Variants in ADGRL3 observed in about 807,000 individuals in gnomAD.
ADGRL3 encodes the protein calcium-independent alpha-latrotoxin receptor 3.
A neutral mutation model predicts 153.5 loss-of-function variants in ADGRL3; 62 were observed. The ratio of observed to expected loss-of-function variants is 0.40; its 90% CI spans 0.33 to 0.50. The LOEUF (loss-of-function observed/expected upper bound fraction) is 0.50. ADGRL3 is among the 20% of genes least tolerant of loss of function. The pLI is 0.47. For synonymous variants in ADGRL3, 710 were observed against 672.5 expected (o/e 1.06, Z -0.86); for missense variants, 1,641 against 1,859.4 (o/e 0.88, Z 2.16).
chr4:61,675,379 T>C (rs2095151417), intron 5 of ADGRL3, among the ~76,000 whole-genome samples: 1 of 151,884 alleles, frequency 6.6e-6, no homozygotes, highest in Non-Finnish European at 1.5e-5. Flanking sequence ...TATTATAGAC[T>C]TAGTGCCAAT....
chr4:61,272,217 C>T (rs28463441), intron 1 of ADGRL3, among the ~76,000 whole-genome samples: 2,377 of 151,662 alleles, frequency 0.016, 36 homozygotes, highest in Middle Eastern at 0.037. Flanking sequence ...ACAGAGTTTA[C>T]AAAAAATGGT....
intron 4 of ADGRL3, among the ~76,000 whole-genome samples, chr4:61,570,338 T>G (rs970905755): frequency 2.0e-5 from 3 of 152,174 alleles, no homozygotes; most frequent in Non-Finnish European, 4.4e-5. Context: ...CTCAAATCTT[T>G]CAGGGTATTA....
At chr4:61,785,214 C>T (rs2097263275) in intron 8 of ADGRL3, among the ~76,000 whole-genome samples, 1 of 152,132 alleles carries the variant, frequency 6.6e-6, no homozygotes, top group Admixed American at 6.6e-5. Flanking sequence ...ATTCATGCTT[C>T]ATTCTTCCTA....
At chr4:61,283,998 AC>A (rs1471024279) in intron 1 of ADGRL3, among the ~76,000 whole-genome samples, 1 of 151,966 alleles carries the variant, frequency 6.6e-6, no homozygotes, top group Non-Finnish European at 1.5e-5. Context: ...ATACAAAATC[AC>A]AAGGTTGTAG....
intron 25 of ADGRL3, among the ~76,000 whole-genome samples, chr4:62,057,702 G>A (rs1737799056): frequency 6.6e-6 from 1 of 152,086 alleles, no homozygotes; most frequent in South Asian, 2.1e-4. Flanking sequence ...TATTGAGACA[G>A]GGTCTTGCTC....
At chr4:61,746,280 C>A (rs2096659740) in intron 8 of ADGRL3, among the ~76,000 whole-genome samples, 1 of 151,548 alleles carries the variant, frequency 6.6e-6, no homozygotes, top group Non-Finnish European at 1.5e-5. Context: ...ACCCCACTGT[C>A]AATATTAGAC....
At chr4:61,880,903 T>C (rs1311312268) in intron 9 of ADGRL3, among the ~76,000 whole-genome samples, 1 of 152,180 alleles carries the variant, frequency 6.6e-6, no homozygotes, top group Non-Finnish European at 1.5e-5. Context: ...GATAGTCACA[T>C]TGAAGAGTCA....
In ADGRL3 at chr4:61,317,380, A is replaced by G. The variant is rs563854468; in HGVS notation, c.-239-65744A>G. Among the ~76,000 whole-genome samples the G allele has an allele frequency of 3.3e-5, 5 of 152,328 alleles. No homozygotes were observed. In the South Asian group the frequency reaches 1.0e-3, roughly 32 times the overall value. On this transcript the variant is annotated intron_variant, in intron 1 of 26. Transcript: ENST00000683033. ...AAAGTACCCTAGTAGATTGTAAGGC[A>G]TGTTTGACCCAAAGATCAATAGGAT...
intron 5 of ADGRL3, among the ~76,000 whole-genome samples, chr4:61,620,297 C>T (rs1399073041): frequency 6.6e-6 from 1 of 152,046 alleles, no homozygotes; most frequent in African/African-American, 2.4e-5. Context: ...AGCTAGACAG[C>T]TTTGGAAACT....
rs141859178 is a variant in ADGRL3 at position 61,346,240 on chromosome 4, G to GTC, written c.-239-36864_-239-36863dup. Reference sequence around the variant, plus strand: ...ACTGGGTAACACGGTAACATATTGAGTCTCTCTCTCTCTCTCTCTCTTTCT... The same window carrying GTC: ...ACTGGGTAACACGGTAACATATTGAGTCTCTCTCTCTCTCTCTCTCTCTTTCT... On this transcript the variant is annotated intron_variant, in intron 1 of 26. Transcript: ENST00000683033. Among the ~76,000 whole-genome samples, 1,167 of 146,910 alleles carry GTC rather than the reference G, an allele frequency of 7.9e-3. 17 individuals are homozygous for GTC. Among genetic ancestry groups the GTC allele is most frequent in the Admixed American group, 0.021 (311 of 14,698 alleles).
chr4:61,470,841 C>A (rs2097942142), intron 2 of ADGRL3, among the ~76,000 whole-genome samples: 1 of 151,622 alleles, frequency 6.6e-6, no homozygotes, highest in South Asian at 2.1e-4. Flanking sequence ...TTTTCATTTA[C>A]CACCCGAAGG....
At chr4:61,686,339 A>G (rs2095442912) in intron 6 of ADGRL3, among the ~76,000 whole-genome samples, 8 of 152,134 alleles carry the variant, frequency 5.3e-5, no homozygotes, top group Admixed American at 5.2e-4. Flanking sequence ...TATGAAGTAA[A>G]TTTCCAGATA....
At chr4:61,845,950 A>C (rs764970832) in intron 9 of ADGRL3, among the ~76,000 whole-genome samples, 1 of 152,126 alleles carries the variant, frequency 6.6e-6, no homozygotes, top group Non-Finnish European at 1.5e-5. Context: ...TATACCATTT[A>C]TTGGCATAAC....
At chr4:61,852,688 T>C (rs1369407069) in intron 9 of ADGRL3, among the ~76,000 whole-genome samples, 2 of 152,168 alleles carry the variant, frequency 1.3e-5, no homozygotes, top group South Asian at 2.1e-4. Flanking sequence ...TTAGTCTGTT[T>C]AGTACATTTA....
chr4:61,493,265 T>A (rs1471486136), intron 2 of ADGRL3, among the ~76,000 whole-genome samples: 1 of 152,118 alleles, frequency 6.6e-6, no homozygotes, highest in Non-Finnish European at 1.5e-5. Context: ...CGTCACCCTC[T>A]TCAAATAATA....
intron 1 of ADGRL3, among the ~76,000 whole-genome samples, chr4:61,353,835 G>A (rs1046933659): frequency 1.3e-5 from 2 of 151,786 alleles, no homozygotes; most frequent in African/African-American, 4.8e-5. Context: ...TAGATGATGG[G>A]CATAAATATG....
chr4:61,213,450 A>C (rs1305818627), intron 1 of ADGRL3, among the ~76,000 whole-genome samples: 1 of 149,978 alleles, frequency 6.7e-6, no homozygotes, highest in Non-Finnish European at 1.5e-5. Context: ...TCTGAAGATC[A>C]TATTTAAATT....
intron 1 of ADGRL3, among the ~76,000 whole-genome samples, chr4:61,290,383 C>A (rs754965713): frequency 6.6e-6 from 1 of 152,096 alleles, no homozygotes; most frequent in Non-Finnish European, 1.5e-5. Flanking sequence ...ATTGTCATAT[C>A]ATTACAAACT....
chr4:61,865,323 C>T (rs2098389610), intron 9 of ADGRL3, among the ~76,000 whole-genome samples: 1 of 152,084 alleles, frequency 6.6e-6, no homozygotes. Flanking sequence ...TTTTACCTTT[C>T]CACCAATTTG....
Sources: gnomAD v4.1 joint callset for allele counts (sites outside exome capture counted in the v4.1 genomes callset) on GRCh38, gnomAD v4.1.1 for gene constraint, MANE v1.5 for transcripts, NCBI Gene and HGNC (gene_info 2026-07-23, HGNC 2026-07-21) for gene names.